Variants in ARL6IP1 observed in about 807,000 individuals in gnomAD.
ARL6IP1 encodes ADP-ribosylation factor-like protein 6-interacting protein 1.
In ARL6IP1, 16 loss-of-function variants were observed where a neutral mutation model predicts 30.1. The observed-to-expected ratio is 0.53, with a 90% CI of 0.36 to 0.81. ARL6IP1 has a LOEUF of 0.81. Ranked by LOEUF, ARL6IP1 falls within the 30% of genes least tolerant of loss-of-function variation. ARL6IP1 has a pLI of 0.01. For missense variants in ARL6IP1, 173 were observed against 242.7 expected, an observed-to-expected ratio of 0.71 and a Z score of 1.91; for synonymous variants, 72 against 84.8, an observed-to-expected ratio of 0.85 and a Z score of 0.83.
chr16:18,800,120 A>G (rs1444643768), intron 1 of ARL6IP1, among the ~76,000 whole-genome samples: 1 of 152,220 alleles, frequency 6.6e-6, no homozygotes, highest in Non-Finnish European at 1.5e-5. Context: ...CACGCTGAGC[A>G]CTAGTGTGAT....
intron 3 of ARL6IP1, among the ~76,000 whole-genome samples, chr16:18,796,312 C>T (rs1283726083): frequency 6.6e-6 from 1 of 152,182 alleles, no homozygotes; most frequent in Non-Finnish European, 1.5e-5. Context: ...GTGTTGCCTT[C>T]TCTTCTCTAG....
rs2030087527 is a variant in ARL6IP1, at chr16:18,792,141, C to T, written c.*1111G>A. On this transcript the variant is annotated 3_prime_UTR_variant, in exon 6 of 6. Transcript: ENST00000304414. ...GAAGCTTTCCAAGGAGTTATGAAAT[C>T]TTTGTAGACCAGAGGCCAACTATCA... is the stretch of plus-strand genomic sequence containing the variant. 1 of 152,186 alleles carries T rather than the reference C, an allele frequency of 6.6e-6. No homozygotes were observed. The highest frequency in any genetic ancestry group is 1.5e-5 in the Non-Finnish European group (1 of 68,036). The allele number at this position is 152,186 out of a possible 1,614,324, so 9.4% of individuals were successfully genotyped here. A position where few individuals can be genotyped will look rare whatever the true frequency, so the allele number is the denominator to read the frequency against.
intron 1 of ARL6IP1, 80 bp downstream of exon 1, chr16:18,801,351 G>A (rs1342246107): frequency 1.3e-6 from 2 of 1,581,614 alleles, no homozygotes; most frequent in South Asian, 1.1e-5. Context: ...GCGGGTGACA[G>A]GGACGAGGCC....
rs1255529600 is a variant in ARL6IP1 at position 18,798,049 on chromosome 16, TA to T, written c.171-6del. 5 of 1,574,388 alleles carry T rather than the reference TA, an allele frequency of 3.2e-6. No homozygotes were observed. Among genetic ancestry groups the T allele is most frequent in the African/African-American group, 2.8e-5 (2 of 72,384 alleles). ...GGATCTAGATAGTAGATAATCCTGT[TA>T]AAAAAATTAATAAAGGTTAGAAAAA... is the stretch of plus-strand genomic sequence containing the variant. On this transcript the variant is annotated splice_region_variant and splice_polypyrimidine_tract_variant and intron_variant, in intron 2 of 5. Coordinates refer to ENST00000304414, the MANE Select transcript of ARL6IP1 (RefSeq NM_015161.3).
At position 18,793,207 on chromosome 16, in the gene ARL6IP1, G is replaced by C. The variant is rs571187892; in HGVS notation, c.*45C>G. On this transcript the variant is annotated 3_prime_UTR_variant, in exon 6 of 6. Coordinates refer to ENST00000304414, the MANE Select transcript of ARL6IP1 (RefSeq NM_015161.3). ...AGATAGTACAGCAGAAACGGTTCCC[G>C]GGGCAATGGGTGCTGCATTAATCAC... 3 of 1,309,466 alleles carry C rather than the reference G, an allele frequency of 2.3e-6. No homozygotes were observed. Among genetic ancestry groups the C allele is most frequent in the Admixed American group, 3.7e-5 (2 of 53,808 alleles). The allele number at this position is 1,309,466 out of a possible 1,614,324, so 81.1% of individuals were successfully genotyped here.
chr16:18,795,518 T>C lies in ARL6IP1; in HGVS notation c.354A>G (p.Arg118=). 1 of 1,613,806 alleles carries C rather than the reference T, an allele frequency of 6.2e-7. No individual in the cohort carries two copies. The highest frequency in any genetic ancestry group is 8.5e-7 in the Non-Finnish European group (1 of 1,179,948). Residue 118 remains arginine, a synonymous_variant, in exon 4 of 6, where the codon AGA becomes AGG. Transcript: ENST00000304414. ...AGAGGCGTTTCCACCAACCCACAGC[T>C]CTGCGTCGAGTTTTTACTAGATTGC... ...ICSNLVKTRR[R]AVGWWKRLFT...
rs148872516 is a variant in ARL6IP1, at chr16:18,793,298, C to T, written c.566G>A (p.Arg189Lys). The T allele has an allele frequency of 6.2e-5, 100 of 1,613,202 alleles. No individual in the cohort carries two copies. The highest frequency in any genetic ancestry group is 7.8e-5 in the Non-Finnish European group (92 of 1,179,870). The change falls in exon 6 of 6, where the codon AGG (arginine) becomes AAG (lysine). Residue 189 changes from arginine to lysine, a missense_variant. By Grantham distance (26) the Arg-to-Lys change is conservative. Transcript: ENST00000304414. ...IILKYIGMAK[R>K]EINKLLKQKE... The stretch of plus-strand genomic sequence containing the variant: ...TTGTTTGAGAAGTTTGTTTATCTCC[C>T]TCTTGGCCATTCCAATGTACTTCAA...
intron 2 of ARL6IP1, chr16:18,798,360 A>C (rs1250388118): frequency 2.9e-5 from 9 of 311,244 alleles, no homozygotes; most frequent in Non-Finnish European, 4.1e-5. Flanking sequence ...TGATGGGTGC[A>C]GCAAACCACC....
At chr16:18,798,634 A>C in intron 2 of ARL6IP1, 67 bp downstream of exon 2, 3 of 1,536,018 alleles carry the variant, frequency 2.0e-6, no homozygotes, top group Non-Finnish European at 2.6e-6. Flanking sequence ...CCACAAACAG[A>C]AGCTATATAT....
chr16:18,795,083 C>G (rs1311922298), intron 4 of ARL6IP1: 2 of 200,786 alleles, frequency 1.0e-5, no homozygotes, highest in Non-Finnish European at 2.0e-5. Context: ...GTGGTGCAAA[C>G]AGCTCACTGC....
intron 5 of ARL6IP1, 29 bp downstream of exon 5, chr16:18,794,570 G>GT: frequency 6.4e-7 from 1 of 1,556,874 alleles, no homozygotes; most frequent in East Asian, 2.3e-5. Context: ...TGGCCAGGAT[G>GT]TGCCTGTAGT....
At chr16:18,798,571 C>G in intron 2 of ARL6IP1, 130 bp downstream of exon 2, 1 of 1,018,178 alleles carries the variant, frequency 9.8e-7, no homozygotes, top group Non-Finnish European at 1.3e-6. Context: ...TTATGAGAAA[C>G]ATTCTTTATG....
chr16:18,801,254 G>A (rs1298506784), intron 1 of ARL6IP1, 177 bp downstream of exon 1: 1 of 1,434,760 alleles, frequency 7.0e-7, no homozygotes, highest in Non-Finnish European at 9.1e-7. Flanking sequence ...CCCCAGGAAA[G>A]GTAAGGGTTC....
At chr16:18,797,334 A>G (rs1290894254) in intron 3 of ARL6IP1, among the ~76,000 whole-genome samples, 1 of 151,570 alleles carries the variant, frequency 6.6e-6, no homozygotes, top group East Asian at 1.9e-4. Flanking sequence ...GCAGTGAGCC[A>G]AGAGCGTACT....
In ARL6IP1 at chr16:18,792,664, C is replaced by A. The variant is rs2030099727; in HGVS notation, c.*588G>T. 6.6e-6 allele frequency: 1 copy of A among 152,630 alleles called. No individual in the cohort carries two copies. The highest frequency in any genetic ancestry group is 2.4e-5 in the African/African-American group (1 of 41,430). 9.5% of individuals were successfully genotyped at this position (152,630 alleles called of 1,614,324 possible). Reference sequence around the variant, plus strand: ...GTTTCCTACAAATTGCTAAGCTTTGCACAAGGGAGAAGCCTACATGTACTA... The same window carrying A: ...GTTTCCTACAAATTGCTAAGCTTTGAACAAGGGAGAAGCCTACATGTACTA... On this transcript the variant is annotated 3_prime_UTR_variant, in exon 6 of 6. Transcript: ENST00000304414.
Position 18,801,122 on chromosome 16 carries a change from G to C in ARL6IP1, c.36+309C>G, listed in dbSNP as rs1378896922. 8.0e-6 allele frequency: 10 copies of C among 1,255,298 alleles called. No homozygotes were observed. In the African/African-American group the frequency reaches 1.1e-4, roughly 14 times the overall value. 77.8% of individuals were successfully genotyped at this position (1,255,298 alleles called of 1,614,324 possible). ...CCGCGAAAGCGCTGGACAGGCCCCA[G>C]GAGGCCTTCTGCCCCCACCCGCACC... On this transcript the variant is annotated intron_variant, in intron 1 of 5. Coordinates refer to ENST00000304414, the MANE Select transcript of ARL6IP1 (RefSeq NM_015161.3).
At position 18,792,654 on chromosome 16, in the gene ARL6IP1, C is replaced by T. The variant is rs2030099574; in HGVS notation, c.*598G>A. ...AAAGATCAAAGTTTCCTACAAATTGCTAAGCTTTGCACAAGGGAGAAGCCT... is the reference window on the plus strand; with the variant it reads ...AAAGATCAAAGTTTCCTACAAATTGTTAAGCTTTGCACAAGGGAGAAGCCT... On this transcript the variant is annotated 3_prime_UTR_variant, in exon 6 of 6. Transcript: ENST00000304414. 1 of 152,634 alleles carries T rather than the reference C, an allele frequency of 6.6e-6. No individual in the cohort carries two copies. Among genetic ancestry groups the T allele is most frequent in the South Asian group, 2.1e-4 (1 of 4,834 alleles). The allele number at this position is 152,634 out of a possible 1,614,324, so 9.5% of individuals were successfully genotyped here.
In ARL6IP1 at chr16:18,798,237, A is replaced by G. The variant is rs957994483; in HGVS notation, c.171-193T>C. 6.6e-5 allele frequency: 32 copies of G among 483,194 alleles called. No individual in the cohort carries two copies. The Middle Eastern group carries it at 1.7e-3, about 25-fold the overall frequency. 29.9% of individuals were successfully genotyped at this position (483,194 alleles called of 1,614,324 possible). A position where few individuals can be genotyped will look rare whatever the true frequency, so the allele number is the denominator to read the frequency against. The stretch of plus-strand genomic sequence containing the variant: ...TATCATAGCTGCAGTGGTTAAGTAT[A>G]TATCAATGGACAAAAGCTCTTTGGA... On this transcript the variant is annotated intron_variant, in intron 2 of 5. Transcript: ENST00000304414.
rs543346989 is a variant in ARL6IP1 at position 18,794,603 on chromosome 16, C to T, written c.489G>A (p.Leu163=). 1.2e-6 allele frequency: 2 copies of T among 1,612,388 alleles called. No individual in the cohort carries two copies. Among genetic ancestry groups the T allele is most frequent in the East Asian group, 4.5e-5 (2 of 44,814 alleles). ...AGTTTTTCCTCAAAGACTTACCTAT[C>T]AGGTAGGTGAGAAGCAGGTTGTGGA... The part of the protein sequence containing the change: ...QQVHNLLLTY[L]IVTSLLLLPG... The change falls in exon 5 of 6, where the codon CTG becomes CTA. Residue 163 remains leucine (L), a synonymous_variant. Coordinates refer to ENST00000304414, the MANE Select transcript of ARL6IP1 (RefSeq NM_015161.3).
Sources: gnomAD v4.1 joint callset for allele counts (sites outside exome capture counted in the v4.1 genomes callset) on GRCh38, gnomAD v4.1.1 for gene constraint, MANE v1.5 for transcripts, NCBI Gene and HGNC (gene_info 2026-07-23, HGNC 2026-07-21) for gene names.